Variants in S100Z observed in about 807,000 individuals in gnomAD.
S100Z encodes the protein S100 calcium binding protein Z, also known as protein S100-Z.
S100Z carries 11 observed loss-of-function variants against 8.5 expected under a neutral mutation model. The observed-to-expected ratio is 1.30, with a 90% confidence interval of 0.82 to 2.15. The LOEUF is 2.15. Among genes scored for constraint, S100Z ranks in the 30% most tolerant of loss-of-function variants. S100Z has a pLI of 0.00. For missense variants in S100Z, 126 were observed against 117.9 expected (o/e 1.07, Z -0.32); for synonymous variants, 34 against 43.8 (o/e 0.78, Z 0.89).
At chr5:76,910,866 A>G (rs1744628645) in intron 4 of S100Z, among the ~76,000 whole-genome samples, 1 of 152,248 alleles carries the variant, frequency 6.6e-6, no homozygotes, top group South Asian at 2.1e-4. Flanking sequence ...ATCCTGGGAC[A>G]GCCTGTAACC....
At chr5:76,938,223 C>T in the S100Z span, among the ~76,000 whole-genome samples, 1 of 152,336 alleles carries the variant, frequency 6.6e-6, no homozygotes, top group African/African-American at 2.4e-5. Flanking sequence ...TCACTCTTTC[C>T]TCCTGGGTAT....
intron 4 of S100Z, among the ~76,000 whole-genome samples, chr5:76,889,798 G>A (rs984440061): frequency 2.6e-5 from 4 of 152,224 alleles, no homozygotes; most frequent in East Asian, 1.9e-4. Flanking sequence ...ATGCCCGGGG[G>A]CACTGGCCTT....
chr5:76,859,768 C>CAAAAAAAAAAAAAAAAAAAAAAAAAAAA (rs70982653), intron 1 of S100Z, among the ~76,000 whole-genome samples: 2 of 97,654 alleles, frequency 2.0e-5, no homozygotes, highest in African/African-American at 3.9e-5. Context: ...GCAACAGAGC[C>CAAAAAAAAAAAAAAAAAAAAAAAAAAAA]AAAAAAAAAA....
intron 4 of S100Z, among the ~76,000 whole-genome samples, chr5:76,899,447 A>C (rs79708226): frequency 0.019 from 2,182 of 117,792 alleles, 67 homozygotes; most frequent in East Asian, 0.14. Context: ...TCCTTTTGTT[A>C]TCTAGTGAAG....
At chr5:76,869,245 C>CA (rs541613729) in intron 1 of S100Z, among the ~76,000 whole-genome samples, 47 of 147,100 alleles carry the variant, frequency 3.2e-4, no homozygotes, top group East Asian at 1.0e-3. Flanking sequence ...ATACGGCAGA[C>CA]AAAAAAAAAC....
At chr5:76,923,936 T>C (rs1745090167), downstream of S100Z, among the ~76,000 whole-genome samples, 4 of 152,076 alleles carry the variant, frequency 2.6e-5, no homozygotes, top group Admixed American at 2.6e-4. Flanking sequence ...CACCCCCCAA[T>C]TCTCTGTGTC....
chr5:76,861,764 C>T (rs1007370629), intron 1 of S100Z, among the ~76,000 whole-genome samples: 1 of 152,346 alleles, frequency 6.6e-6, no homozygotes. Context: ...CAAGATTCAT[C>T]TACTTCATTT....
At chr5:76,934,198 A>G in the S100Z span, among the ~76,000 whole-genome samples, 176 of 152,344 alleles carry the variant, frequency 1.2e-3, no homozygotes, top group African/African-American at 3.9e-3. Context: ...TGCAGACCAC[A>G]GACCACTAAA....
the S100Z span, among the ~76,000 whole-genome samples, chr5:76,932,296 C>G: frequency 6.6e-6 from 1 of 152,136 alleles, no homozygotes; most frequent in African/African-American, 2.4e-5. Flanking sequence ...AGAGCTTTCT[C>G]CTAGGCTTTC....
Position 76,881,436 on chromosome 5 carries a change from G to A in S100Z, c.*2+3602G>A, listed in dbSNP as rs553709044. ...AGTAAAGTCAATTTGCCAGTCCTGGGCGGGGGCAAATCCCCGAGCTTGATG... is the reference window on the plus strand; with the variant it reads ...AGTAAAGTCAATTTGCCAGTCCTGGACGGGGGCAAATCCCCGAGCTTGATG... On this transcript the variant is annotated intron_variant, in intron 4 of 4. Transcript: ENST00000317593. Among the ~76,000 whole-genome samples, 8 of 152,292 alleles carry A rather than the reference G, an allele frequency of 5.3e-5. No individual in the cohort carries two copies. The South Asian group carries it at 1.7e-3, about 32-fold the overall frequency.
chr5:76,902,982 T>C (rs540212631), intron 4 of S100Z, among the ~76,000 whole-genome samples: 1 of 152,206 alleles, frequency 6.6e-6, no homozygotes, highest in East Asian at 1.9e-4. Context: ...GGTCAGGAGT[T>C]CAAGACCAGC....
chr5:76,929,331 A>G, the S100Z span, among the ~76,000 whole-genome samples: 16 of 152,360 alleles, frequency 1.1e-4, no homozygotes, highest in African/African-American at 3.6e-4. Context: ...TGTCCACTTC[A>G]TCTGGGAACT....
At chr5:76,932,056 C>T in the S100Z span, among the ~76,000 whole-genome samples, 1 of 152,014 alleles carries the variant, frequency 6.6e-6, no homozygotes, top group Non-Finnish European at 1.5e-5. Context: ...TATATCTTTT[C>T]ATAAGATGTC....
the S100Z span, among the ~76,000 whole-genome samples, chr5:76,932,811 G>T: frequency 6.6e-6 from 1 of 152,144 alleles, no homozygotes; most frequent in Non-Finnish European, 1.5e-5. Context: ...AATAAAGCTA[G>T]ACATTTTTTT....
At chr5:76,914,401 T>TCAGCACTCTGTAAAAC (rs201125853) in intron 4 of S100Z, among the ~76,000 whole-genome samples, 1 of 19,936 alleles carries the variant, frequency 5.0e-5, no homozygotes, top group Non-Finnish European at 1.0e-4. Flanking sequence ...CTCTGTAAAA[T>TCAGCACTCTGTAAAAC]GGACCAATCA....
intron 4 of S100Z, among the ~76,000 whole-genome samples, chr5:76,919,526 T>TCCTC (rs145366090): frequency 1.3e-3 from 158 of 126,024 alleles, no homozygotes; most frequent in African/African-American, 3.4e-3. Flanking sequence ...TCTTCTCCCT[T>TCCTC]CCTCCCTCCC....
chr5:76,913,674 A>G (rs1475900214), intron 4 of S100Z, among the ~76,000 whole-genome samples: 1 of 152,242 alleles, frequency 6.6e-6, no homozygotes, highest in Non-Finnish European at 1.5e-5. Flanking sequence ...AGAGATAACA[A>G]AATCTATCCT....
At chr5:76,867,608 T>C (rs1214605761) in intron 1 of S100Z, among the ~76,000 whole-genome samples, 1 of 151,790 alleles carries the variant, frequency 6.6e-6, no homozygotes, top group African/African-American at 2.4e-5. Flanking sequence ...TTTTTTTTTT[T>C]TGAGGTGGGG....
At chr5:76,863,175 G>A (rs1247455844) in intron 1 of S100Z, among the ~76,000 whole-genome samples, 1 of 152,194 alleles carries the variant, frequency 6.6e-6, no homozygotes, top group African/African-American at 2.4e-5. Context: ...CTGGACGGTA[G>A]GGGCCAGGAG....
Sources: allele counts gnomAD v4.1 joint callset (sites outside exome capture counted in the v4.1 genomes callset), GRCh38; gene constraint gnomAD v4.1.1; transcripts MANE v1.5; gene names NCBI Gene and HGNC (gene_info 2026-07-23, HGNC 2026-07-21).